ZRANB3: variants seen among roughly 807,000 people sequenced by gnomAD.
ZRANB3 encodes the protein zinc finger RANBP2-type containing 3, also known as DNA annealing helicase and endonuclease ZRANB3.
In ZRANB3, 125 loss-of-function variants were observed where a neutral mutation model predicts 133.8. The observed-to-expected ratio is 0.93, with a 90% CI of 0.81 to 1.08. The LOEUF is 1.08. ZRANB3 is among the 50% of genes least tolerant of loss of function. ZRANB3 has a pLI of 0.00. For synonymous variants in ZRANB3, 387 were observed against 432.7 expected, an observed-to-expected ratio of 0.89 and a Z score of 1.31; for missense variants, 1,229 against 1,275.5, an observed-to-expected ratio of 0.96 and a Z score of 0.56.
chr2:135,336,237 A>T (rs928755728), intron 6 of ZRANB3, among the ~76,000 whole-genome samples: 2 of 152,258 alleles, frequency 1.3e-5, no homozygotes, highest in Non-Finnish European at 2.9e-5. Context: ...CATTTGCATT[A>T]GTACATTTCT....
intron 8 of ZRANB3, among the ~76,000 whole-genome samples, chr2:135,300,017 ACT>A (rs758086453): frequency 5.9e-5 from 9 of 152,238 alleles, no homozygotes; most frequent in Non-Finnish European, 1.0e-4. Context: ...TTTAGGCATA[ACT>A]CTGTCTAGAG....
intron 8 of ZRANB3, among the ~76,000 whole-genome samples, chr2:135,293,900 A>G (rs1463636236): frequency 6.6e-6 from 1 of 150,960 alleles, no homozygotes. Context: ...GATTACGTTT[A>G]TTGATTTTCG....
intron 6 of ZRANB3, among the ~76,000 whole-genome samples, chr2:135,326,052 T>C (rs984638979): frequency 1.3e-5 from 2 of 152,142 alleles, no homozygotes; most frequent in Non-Finnish European, 2.9e-5. Flanking sequence ...TTCAGTGACA[T>C]CTATCATTTG....
At chr2:135,398,521 CT>C (rs374119156) in intron 2 of ZRANB3, among the ~76,000 whole-genome samples, 1,903 of 123,828 alleles carry the variant, frequency 0.015, 16 homozygotes, top group South Asian at 0.019. Flanking sequence ...TCTTTTGTCA[CT>C]TTTTTTTTTT....
At chr2:135,458,767 C>T (rs1393358216) in intron 2 of ZRANB3, among the ~76,000 whole-genome samples, 1 of 151,966 alleles carries the variant, frequency 6.6e-6, no homozygotes, top group Non-Finnish European at 1.5e-5. Flanking sequence ...CACTAATATT[C>T]CTATATTTTT....
chr2:135,202,796 A>T, intron 20 of ZRANB3, 36 bp downstream of exon 20: 1 of 1,574,062 alleles, frequency 6.4e-7, no homozygotes, highest in Non-Finnish European at 8.6e-7. Context: ...TTGACTTCTC[A>T]GGATGCAGTC....
chr2:135,374,602 A>G (rs1409702785), intron 3 of ZRANB3, among the ~76,000 whole-genome samples: 1 of 151,660 alleles, frequency 6.6e-6, no homozygotes, highest in East Asian at 1.9e-4. Flanking sequence ...CCCAGGTTCA[A>G]GCAATTCTCC....
chr2:135,498,550 G>A (rs1692787094), intron 2 of ZRANB3, among the ~76,000 whole-genome samples: 1 of 152,168 alleles, frequency 6.6e-6, no homozygotes, highest in African/African-American at 2.4e-5. Flanking sequence ...AATATGAAAT[G>A]TGGGCACCTT....
intron 2 of ZRANB3, among the ~76,000 whole-genome samples, chr2:135,396,066 A>C (rs1687474935): frequency 6.6e-6 from 1 of 152,234 alleles, no homozygotes; most frequent in African/African-American, 2.4e-5. Flanking sequence ...AGTTATATGA[A>C]AATGTGCTCG....
chr2:135,225,731 T>C (rs1285422632), intron 14 of ZRANB3, among the ~76,000 whole-genome samples: 1 of 152,248 alleles, frequency 6.6e-6, no homozygotes, highest in African/African-American at 2.4e-5. Context: ...AGTTATCATG[T>C]ATACCATAAA....
intron 8 of ZRANB3, among the ~76,000 whole-genome samples, chr2:135,306,591 CTT>C (rs879814169): frequency 2.8e-4 from 31 of 111,990 alleles, no homozygotes; most frequent in Admixed American, 4.8e-4. Flanking sequence ...CGCACCCGGC[CTT>C]TTTTTTTTTT....
At chr2:135,415,767 G>C (rs1322203737) in intron 2 of ZRANB3, among the ~76,000 whole-genome samples, 3 of 152,156 alleles carry the variant, frequency 2.0e-5, no homozygotes, top group Non-Finnish European at 4.4e-5. Context: ...CCATGATCAA[G>C]TGGGCTTCAT....
intron 12 of ZRANB3, among the ~76,000 whole-genome samples, chr2:135,242,438 A>G (rs2105084317): frequency 6.6e-6 from 1 of 151,054 alleles, no homozygotes; most frequent in Non-Finnish European, 1.5e-5. Flanking sequence ...TATAGTAGAC[A>G]CTCAGTAGGT....
At chr2:135,312,156 A>T (rs867009766) in intron 8 of ZRANB3, among the ~76,000 whole-genome samples, 68 of 117,214 alleles carry the variant, frequency 5.8e-4, no homozygotes, top group African/African-American at 3.2e-3. Context: ...ATTTTATTTT[A>T]TTTTTATTTT....
chr2:135,198,746 A>G lies in ZRANB3; in HGVS notation c.*1596T>C, dbSNP rs1377373811. ...ACTGCAAAGAGCACCTGACCAACTA[A>G]GCAGAAAGGAGGCCAAAGAAAGCCC... is the stretch of plus-strand genomic sequence containing the variant. On this transcript the variant is annotated 3_prime_UTR_variant, in exon 21 of 21. Coordinates refer to ENST00000264159, the MANE Select transcript of ZRANB3 (RefSeq NM_032143.4). The G allele has an allele frequency of 6.6e-6, 1 of 152,226 alleles. No homozygotes were observed. Among genetic ancestry groups the G allele is most frequent in the Non-Finnish European group, 1.5e-5 (1 of 68,040 alleles). The allele number at this position is 152,226 out of a possible 1,614,324, so 9.4% of individuals were successfully genotyped here.
chr2:135,319,462 TAA>T (rs759408268), intron 6 of ZRANB3, among the ~76,000 whole-genome samples: 1 of 152,232 alleles, frequency 6.6e-6, no homozygotes. Context: ...GATAATTTTT[TAA>T]AGTTTATTTC....
chr2:135,491,292 G>T (rs1427270790), intron 2 of ZRANB3, among the ~76,000 whole-genome samples: 1 of 151,984 alleles, frequency 6.6e-6, no homozygotes, highest in Non-Finnish European at 1.5e-5. Flanking sequence ...AAGGTAAAAG[G>T]GAAACAAAGG....
rs536206683 is a variant in ZRANB3, at chr2:135,346,157, C to T, written c.592-522G>A. Among the ~76,000 whole-genome samples the T allele has an allele frequency of 8.3e-4, 127 of 152,252 alleles. 1 individual carries two copies. The highest frequency in any genetic ancestry group is 3.4e-3 in the Middle Eastern group (1 of 294). ...TGTCGCCCAGGCTGGAGTGCAGTGG[C>T]GTGATCTTGGCTCACTGCAAGCTCC... On this transcript the variant is annotated intron_variant, in intron 5 of 20. Transcript: ENST00000264159.
intron 3 of ZRANB3, among the ~76,000 whole-genome samples, chr2:135,371,815 G>A (rs1390663256): frequency 6.6e-6 from 1 of 152,108 alleles, no homozygotes; most frequent in Non-Finnish European, 1.5e-5. Flanking sequence ...TCAGGAGGTG[G>A]AGGTGGAGGC....
Sources: allele counts gnomAD v4.1 joint callset (sites outside exome capture counted in the v4.1 genomes callset), GRCh38; gene constraint gnomAD v4.1.1; transcripts MANE v1.5; gene names NCBI Gene and HGNC (gene_info 2026-07-23, HGNC 2026-07-21).